The following KCNH1 variants were observed in gnomAD, a reference collection of about 807,000 sequenced individuals.
KCNH1 encodes potassium voltage-gated channel subfamily H member 1, also known as voltage-gated delayed rectifier potassium channel KCNH1.
In KCNH1, 27 loss-of-function variants were observed where a neutral mutation model predicts 69.2. The observed-to-expected ratio is 0.39, with a 90% CI of 0.29 to 0.54. The LOEUF (loss-of-function observed/expected upper bound fraction) is 0.54. KCNH1 is among the 20% of genes least tolerant of loss of function. The probability of loss-of-function intolerance (pLI) is 0.68; values close to 1 mark genes in which losing one functional copy is unlikely to be tolerated. For synonymous variants in KCNH1, 456 were observed against 487.7 expected, an observed-to-expected ratio of 0.93 and a Z score of 0.86; for missense variants, 798 against 1,261.6, an observed-to-expected ratio of 0.63 and a Z score of 5.57.
At chr1:211,079,803 T>C (rs1004826239) in intron 5 of KCNH1, among the ~76,000 whole-genome samples, 2 of 152,184 alleles carry the variant, frequency 1.3e-5, no homozygotes, top group Admixed American at 6.5e-5. Flanking sequence ...AACTAGGTAC[T>C]GATGGAATGT....
intron 7 of KCNH1, among the ~76,000 whole-genome samples, chr1:210,880,691 C>T (rs1285146325): frequency 6.6e-6 from 1 of 151,904 alleles, no homozygotes; most frequent in African/African-American, 2.4e-5. Flanking sequence ...GTTTAGTTGC[C>T]GCACCAAAGG....
chr1:210,917,168 G>A (rs1446190274), intron 7 of KCNH1, among the ~76,000 whole-genome samples: 1 of 146,158 alleles, frequency 6.8e-6, no homozygotes, highest in Non-Finnish European at 1.5e-5. Context: ...AGAAAGAGAA[G>A]AGAGAAGAGA....
chr1:210,786,965 T>C (rs1216484914), intron 9 of KCNH1, among the ~76,000 whole-genome samples: 2 of 152,200 alleles, frequency 1.3e-5, no homozygotes, highest in East Asian at 3.8e-4. Flanking sequence ...CCTTTTATCT[T>C]GGCTTTTTCT....
chr1:210,731,459 A>C (rs1020254171), intron 10 of KCNH1, among the ~76,000 whole-genome samples: 2 of 152,184 alleles, frequency 1.3e-5, no homozygotes, highest in Non-Finnish European at 2.9e-5. Context: ...ACTCTTTCAC[A>C]GGCCTTATCT....
chr1:210,912,869 T>TCCCA lies in KCNH1; in HGVS notation c.1462+6767_1462+6770dup, dbSNP rs980898121. Among the ~76,000 whole-genome samples the TCCCA allele has an allele frequency of 3.4e-4, 52 of 152,222 alleles. 1 individual carries two copies. The highest frequency in any genetic ancestry group is 1.3e-3 in the African/African-American group (52 of 41,532). On this transcript the variant is annotated intron_variant, in intron 7 of 10. Transcript: ENST00000271751. ...GAGAAAGAGCAAGATGACCCACAGG[T>TCCCA]CCCACCCTCAGGAAGCTTAGAGCTT...
intron 6 of KCNH1, among the ~76,000 whole-genome samples, chr1:211,004,965 C>G (rs1689249953): frequency 6.6e-6 from 1 of 151,790 alleles, no homozygotes; most frequent in Non-Finnish European, 1.5e-5. Context: ...AAAGTTGTTT[C>G]TTTGGAAACA....
intron 10 of KCNH1, among the ~76,000 whole-genome samples, chr1:210,693,915 A>C (rs942415109): frequency 6.6e-6 from 1 of 152,144 alleles, no homozygotes; most frequent in Admixed American, 6.5e-5. Flanking sequence ...ACCAGATGGA[A>C]GCATGTGCAA....
intron 5 of KCNH1, among the ~76,000 whole-genome samples, chr1:211,020,419 A>C (rs1408909059): frequency 6.6e-6 from 1 of 151,970 alleles, no homozygotes; most frequent in Admixed American, 6.6e-5. Context: ...ACAACCTACC[A>C]AGATTGAAAC....
chr1:211,090,484 C>A, intron 4 of KCNH1, 78 bp downstream of exon 4: 1 of 1,325,468 alleles, frequency 7.5e-7, no homozygotes. Context: ...GCCTTGACAA[C>A]CTTAAATGCT....
At chr1:211,031,029 T>C (rs1689773506) in intron 5 of KCNH1, among the ~76,000 whole-genome samples, 1 of 152,098 alleles carries the variant, frequency 6.6e-6, no homozygotes, top group African/African-American at 2.4e-5. Context: ...AAATTAAAGC[T>C]ACACTGCGAT....
intron 1 of KCNH1, among the ~76,000 whole-genome samples, chr1:211,121,046 A>G (rs1419213224): frequency 6.6e-6 from 1 of 152,204 alleles, no homozygotes; most frequent in Non-Finnish European, 1.5e-5. Flanking sequence ...AAACAAATGG[A>G]AAAAAATTCC....
At chr1:211,045,041 G>GATATAGAGATATATATATATATATATAT (rs1690067982) in intron 5 of KCNH1, among the ~76,000 whole-genome samples, 1 of 81,718 alleles carries the variant, frequency 1.2e-5, no homozygotes, top group Non-Finnish European at 2.6e-5. Flanking sequence ...AATTGTGGGG[G>GATATAGAGATATATATATATATATATAT]ATATATATAT....
chr1:210,825,039 C>A (rs1172861199), intron 7 of KCNH1, among the ~76,000 whole-genome samples: 1 of 152,186 alleles, frequency 6.6e-6, no homozygotes, highest in Non-Finnish European at 1.5e-5. Context: ...TTTCATCACT[C>A]TAATTTTTGC....
At chr1:211,076,936 C>A (rs558068386) in intron 5 of KCNH1, among the ~76,000 whole-genome samples, 60 of 152,228 alleles carry the variant, frequency 3.9e-4, no homozygotes, top group African/African-American at 1.3e-3. Context: ...GAGCTGAAAA[C>A]CATGGCACAA....
intron 5 of KCNH1, among the ~76,000 whole-genome samples, chr1:211,040,823 G>A (rs1689982602): frequency 6.6e-6 from 1 of 152,054 alleles, no homozygotes; most frequent in South Asian, 2.1e-4. Flanking sequence ...ATCCTCCAAT[G>A]GTCACATATC....
At chr1:211,070,428 A>C (rs7546728) in intron 5 of KCNH1, among the ~76,000 whole-genome samples, 19,030 of 113,600 alleles carry the variant, frequency 0.17, 1,430 homozygotes, top group South Asian at 0.22. Context: ...TAAAAAAAAA[A>C]AAACACACAC....
chr1:210,797,269 CT>C (rs2102399939), intron 9 of KCNH1, among the ~76,000 whole-genome samples: 1 of 152,352 alleles, frequency 6.6e-6, no homozygotes, highest in South Asian at 2.1e-4. Flanking sequence ...CTACACTAGA[CT>C]GGGAGCCCCT....
intron 6 of KCNH1, among the ~76,000 whole-genome samples, chr1:210,975,984 A>G (rs917547132): frequency 6.6e-6 from 1 of 152,216 alleles, no homozygotes; most frequent in Non-Finnish European, 1.5e-5. Flanking sequence ...TATGCAGCCA[A>G]TACACACATG....
At chr1:210,984,382 T>C (rs536085092) in intron 6 of KCNH1, among the ~76,000 whole-genome samples, 6 of 152,248 alleles carry the variant, frequency 3.9e-5, no homozygotes, top group South Asian at 2.1e-4. Flanking sequence ...CCAGTTTTTG[T>C]CCATTCAGTA....
Sources: allele counts gnomAD v4.1 joint callset (sites outside exome capture counted in the v4.1 genomes callset), GRCh38; gene constraint gnomAD v4.1.1; transcripts MANE v1.5; gene names NCBI Gene and HGNC (gene_info 2026-07-23, HGNC 2026-07-21).